SLC22A23: variants seen among roughly 807,000 people sequenced by gnomAD.
SLC22A23 encodes the protein solute carrier family 22 member 23, also known as ion transporter protein.
Under a neutral mutation model 61.0 loss-of-function variants are expected in SLC22A23, and 26 were observed. The ratio of observed to expected loss-of-function variants is 0.43; its 90% CI spans 0.31 to 0.59. The LOEUF is 0.59. SLC22A23 is among the 20% of genes least tolerant of loss of function. SLC22A23 has a pLI of 0.11. For missense variants in SLC22A23, 796 were observed against 934.7 expected, an observed-to-expected ratio of 0.85 and a Z score of 1.94; for synonymous variants, 430 against 413.9, an observed-to-expected ratio of 1.04 and a Z score of -0.47.
intron 4 of SLC22A23, among the ~76,000 whole-genome samples, chr6:3,303,580 C>T (rs4075041): frequency 0.13 from 20,431 of 151,992 alleles, 2,529 homozygotes; most frequent in African/African-American, 0.33. Flanking sequence ...CATTATGTTA[C>T]GAGAAATAAG....
chr6:3,370,444 G>A (rs1015077504), intron 3 of SLC22A23, among the ~76,000 whole-genome samples: 2 of 152,380 alleles, frequency 1.3e-5, no homozygotes, highest in Admixed American at 6.5e-5. Context: ...TCGAAAGCAA[G>A]GCTCACTCGC....
At chr6:3,291,092 CTT>C (rs1337624032) in intron 5 of SLC22A23, 2 of 152,198 alleles carry the variant, frequency 1.3e-5, no homozygotes, top group Non-Finnish European at 2.9e-5. Flanking sequence ...CAATGTCACT[CTT>C]TTAGTTTCGA....
Position 3,273,092 on chromosome 6 carries a change from G to A in SLC22A23, c.2024C>T (p.Pro675Leu), listed in dbSNP as rs750344472. The A allele has an allele frequency of 2.5e-6, 4 of 1,590,782 alleles. No homozygotes were observed. Among genetic ancestry groups the A allele is most frequent in the South Asian group, 1.1e-5 (1 of 89,848 alleles). Reference sequence around the variant, plus strand: ...CATGCCGTTGGCCGTGGCACCCTCGGGCAGTGTGTCACCCGCGGCTGCGGC... The same window carrying A: ...CATGCCGTTGGCCGTGGCACCCTCGAGCAGTGTGTCACCCGCGGCTGCGGC... ...HDAAAAGDTL[P>L]EGATANGMKA... is the part of the protein sequence containing the mutation. Residue 675 changes from proline (P) to leucine (L), a missense_variant, in exon 10 of 10, where the codon CCC becomes CTC. Pro to Leu is a moderately conservative substitution (Grantham distance 98). Transcript: ENST00000406686.
At chr6:3,349,926 C>T (rs140824366) in intron 3 of SLC22A23, among the ~76,000 whole-genome samples, 13 of 152,322 alleles carry the variant, frequency 8.5e-5, no homozygotes, top group African/African-American at 2.2e-4. Flanking sequence ...CTGTGATACA[C>T]GAAGGCAGAT....
Position 3,309,532 on chromosome 6 carries a change from G to A in SLC22A23, c.1083-11314C>T, listed in dbSNP as rs1331870375. 6.6e-6 allele frequency among the ~76,000 whole-genome samples: 1 copy of A among 151,902 alleles called. No homozygotes were observed. Among genetic ancestry groups the A allele is most frequent in the East Asian group, 1.9e-4 (1 of 5,182 alleles). On this transcript the variant is annotated intron_variant, in intron 4 of 9. Coordinates refer to ENST00000406686, the MANE Select transcript of SLC22A23 (RefSeq NM_015482.2). This position sits in a 1 kb window ranked among gnomAD's most constrained non-coding sequence, Gnocchi z 4.7. ...CTGACCGTAATAAGGACTGTGGGCT[G>A]ACAAGCAGGTGGCACCTGACCATAA...
At chr6:3,282,577 G>T (rs1482222662) in intron 9 of SLC22A23, among the ~76,000 whole-genome samples, 2 of 152,234 alleles carry the variant, frequency 1.3e-5, no homozygotes, top group African/African-American at 4.8e-5. Context: ...CCTTGGACTG[G>T]AATAGCCGCT....
chr6:3,289,660 T>A, intron 6 of SLC22A23, 104 bp downstream of exon 6: 5 of 896,234 alleles, frequency 5.6e-6, no homozygotes, highest in Non-Finnish European at 8.6e-6. Context: ...ACCCTTAGGA[T>A]TCCAAGTTCA....
chr6:3,386,856 C>G lies in SLC22A23; in HGVS notation c.913+23332G>C. Among the ~76,000 whole-genome samples, 1 of 152,234 alleles carries G rather than the reference C, an allele frequency of 6.6e-6. No homozygotes were observed. Among genetic ancestry groups the G allele is most frequent in the East Asian group, 1.9e-4 (1 of 5,198 alleles). On this transcript the variant is annotated intron_variant, in intron 3 of 9. Transcript: ENST00000406686. The surrounding 1 kb of genome is among the most constrained non-coding windows in gnomAD (Gnocchi z 4.4). ...CATGGGGAACAAGGACTTGCTTCCA[C>G]AGGGCCGGCACCCCAGGGCGGGGCA...
intron 5 of SLC22A23, among the ~76,000 whole-genome samples, chr6:3,294,640 C>T (rs989473348): frequency 3.3e-5 from 5 of 152,186 alleles, no homozygotes; most frequent in African/African-American, 7.2e-5. Context: ...GGGCCTTCTA[C>T]TCCTGCTTTA....
In SLC22A23 at chr6:3,390,983, C is replaced by A. The variant is rs1042385025; in HGVS notation, c.913+19205G>T. Among the ~76,000 whole-genome samples, 2 of 152,174 alleles carry A rather than the reference C, an allele frequency of 1.3e-5. No homozygotes were observed. The highest frequency in any genetic ancestry group is 6.5e-5 in the Admixed American group (1 of 15,286). On this transcript the variant is annotated intron_variant, in intron 3 of 9. Coordinates refer to ENST00000406686, the MANE Select transcript of SLC22A23 (RefSeq NM_015482.2). The surrounding 1 kb of genome is among the most constrained non-coding windows in gnomAD (Gnocchi z 4.0). ...TGGAATGAAGAGAATCATACCCTGA[C>A]TCATTAGAGTGATGAAAAATTTCTC...
In SLC22A23 at chr6:3,278,072, C is replaced by G. The variant is rs13210849; in HGVS notation, c.1704-4660G>C. Among the ~76,000 whole-genome samples, 1,514 of 152,322 alleles carry G rather than the reference C, an allele frequency of 9.9e-3. 34 individuals are homozygous for G. Among genetic ancestry groups the G allele is most frequent in the South Asian group, 0.094 (454 of 4,828 alleles). On this transcript the variant is annotated intron_variant, in intron 9 of 9. Transcript: ENST00000406686. Reference sequence around the variant, plus strand: ...CCACTGATGGTAGCCTCTGAGAGACCTGGAGCAGAGGACCCAGCCAGGCCG... The same window carrying G: ...CCACTGATGGTAGCCTCTGAGAGACGTGGAGCAGAGGACCCAGCCAGGCCG...
chr6:3,432,890 A>G (rs1286585349), intron 1 of SLC22A23, among the ~76,000 whole-genome samples: 1 of 152,202 alleles, frequency 6.6e-6, no homozygotes, highest in Non-Finnish European at 1.5e-5. Flanking sequence ...ATACTTCCCC[A>G]GTGGCCTCCG....
intron 3 of SLC22A23, among the ~76,000 whole-genome samples, chr6:3,402,522 A>G (rs1034986621): frequency 1.2e-4 from 18 of 151,430 alleles, no homozygotes; most frequent in African/African-American, 4.4e-4. Context: ...AATCATCCAC[A>G]CTACACAGAG....
At chr6:3,383,882 G>A (rs1473607447) in intron 3 of SLC22A23, among the ~76,000 whole-genome samples, 1 of 152,320 alleles carries the variant, frequency 6.6e-6, no homozygotes, top group Non-Finnish European at 1.5e-5. Flanking sequence ...AGCCTTTGAA[G>A]GATTTATGGT....
Position 3,444,864 on chromosome 6 carries a change from T to C in SLC22A23, c.654+11042A>G, listed in dbSNP as rs977610250. The C allele has an allele frequency of 4.1e-6, 4 of 985,508 alleles. No homozygotes were observed. The African/African-American group carries it at 7.0e-5, about 17-fold the overall frequency. 61.0% of individuals were successfully genotyped at this position (985,508 alleles called of 1,614,324 possible). A position where few individuals can be genotyped will look rare whatever the true frequency, so the allele number is the denominator to read the frequency against. On this transcript the variant is annotated intron_variant, in intron 1 of 9. Transcript: ENST00000406686. ...TTTCTGGGTGAAGGCGGCAGACACC[T>C]GGCAGCGCCCAAGGAATAAATCGCC...
chr6:3,403,720 G>A (rs1226640750), intron 3 of SLC22A23, among the ~76,000 whole-genome samples: 2 of 152,186 alleles, frequency 1.3e-5, no homozygotes, highest in Admixed American at 1.3e-4. Flanking sequence ...CTTCAACACT[G>A]AAGGAGGCTA....
At chr6:3,273,639 C>T (rs920416665) in intron 9 of SLC22A23, among the ~76,000 whole-genome samples, 2 of 152,204 alleles carry the variant, frequency 1.3e-5, no homozygotes, top group African/African-American at 4.8e-5. Context: ...AAAGCTTTTA[C>T]TTAATTTATC....
chr6:3,315,016 G>C (rs1762557373), intron 4 of SLC22A23, among the ~76,000 whole-genome samples: 1 of 152,184 alleles, frequency 6.6e-6, no homozygotes, highest in Non-Finnish European at 1.5e-5. Context: ...ATTGCCAGCA[G>C]ATCTTTCCTC....
chr6:3,278,731 A>G (rs572580627), intron 9 of SLC22A23, among the ~76,000 whole-genome samples: 3 of 152,360 alleles, frequency 2.0e-5, no homozygotes, highest in South Asian at 2.1e-4. Flanking sequence ...AAAATAGCCA[A>G]TTAAGTCTTT....
Sources: gnomAD v4.1 joint callset for allele counts (sites outside exome capture counted in the v4.1 genomes callset) on GRCh38, gnomAD v4.1.1 for gene constraint, Gnocchi (gnomAD v3.1) non-coding constraint, MANE v1.5 for transcripts, NCBI Gene and HGNC (gene_info 2026-07-23, HGNC 2026-07-21) for gene names.